PTPA: variants seen among roughly 807,000 people sequenced by gnomAD.
The protein encoded by PTPA is protein phosphatase 2 phosphatase activator, also known as serine/threonine-protein phosphatase 2A activator.
A neutral mutation model predicts 43.6 loss-of-function variants in PTPA; 13 were observed. The observed-to-expected ratio is 0.30, with a 90% confidence interval of 0.19 to 0.47. The LOEUF is 0.47. Ranked by LOEUF, PTPA falls within the 20% of genes least tolerant of loss-of-function variation. The probability of loss-of-function intolerance (pLI) is 0.99; values close to 1 mark genes in which losing one functional copy is unlikely to be tolerated. For missense variants in PTPA, 329 were observed against 411.9 expected (o/e 0.80, Z 1.74); for synonymous variants, 172 against 158.2 (o/e 1.09, Z -0.66).
At chr9:129,126,578 T>C (rs555735255) in intron 3 of PTPA, among the ~76,000 whole-genome samples, 8 of 152,318 alleles carry the variant, frequency 5.3e-5, no homozygotes, top group African/African-American at 1.9e-4. Context: ...ATTTTTGTTG[T>C]TGTTGTTCTG....
At chr9:129,117,962 G>A (rs1448073149) in intron 1 of PTPA, among the ~76,000 whole-genome samples, 1 of 151,702 alleles carries the variant, frequency 6.6e-6, no homozygotes, top group Non-Finnish European at 1.5e-5. Context: ...GCCTCCCAAA[G>A]TTCTGGGATT....
In PTPA at chr9:129,147,604, G is replaced by A. The variant is rs1403167938; in HGVS notation, c.*140G>A. The A allele has an allele frequency of 4.6e-6, 4 of 878,896 alleles. No homozygotes were observed. The highest frequency in any genetic ancestry group is 1.7e-5 in the African/African-American group (1 of 59,966). 54.4% of individuals were successfully genotyped at this position (878,896 alleles called of 1,614,324 possible). On this transcript the variant is annotated 3_prime_UTR_variant, in exon 10 of 10. Coordinates refer to ENST00000393370, the MANE Select transcript of PTPA (RefSeq NM_178000.3). The stretch of plus-strand genomic sequence containing the variant: ...TTTACTGGGGTGGGGTGGCGAGATG[G>A]GCTTGAGGGGGCTCAGAGCATAAGG...
chr9:129,135,560 A>C (rs1015024719), intron 6 of PTPA, among the ~76,000 whole-genome samples: 1 of 152,224 alleles, frequency 6.6e-6, no homozygotes, highest in Non-Finnish European at 1.5e-5. Context: ...AGGCACAGAG[A>C]TATCCGGTGT....
intron 5 of PTPA, among the ~76,000 whole-genome samples, 185 bp downstream of exon 5, chr9:129,131,824 AG>A (rs924910897): frequency 7.2e-5 from 11 of 152,248 alleles, no homozygotes; most frequent in African/African-American, 2.6e-4. Context: ...GCATGCAGGG[AG>A]GCCCGGATGC....
intron 1 of PTPA, among the ~76,000 whole-genome samples, chr9:129,114,117 C>T (rs1848717995): frequency 6.6e-6 from 1 of 152,166 alleles, no homozygotes; most frequent in Admixed American, 6.5e-5. Flanking sequence ...CAACCTCCGC[C>T]TCCTGAGTTC....
At position 129,120,622 on chromosome 9, in the gene PTPA, A is replaced by G; in HGVS notation, c.129+12A>G. Reference sequence around the variant, plus strand: ...GGAAGCGTTCTCAGGTACCATTTGGAACTGTGGTGAGAAACTTGGGCTTTT... The same window carrying G: ...GGAAGCGTTCTCAGGTACCATTTGGGACTGTGGTGAGAAACTTGGGCTTTT... On this transcript the variant is annotated intron_variant, in intron 2 of 9. Coordinates refer to ENST00000393370, the MANE Select transcript of PTPA (RefSeq NM_178000.3). 1 of 1,602,568 alleles carries G rather than the reference A, an allele frequency of 6.2e-7. No homozygotes were observed. Among genetic ancestry groups the G allele is most frequent in the Non-Finnish European group, 8.5e-7 (1 of 1,170,174 alleles).
intron 8 of PTPA, chr9:129,142,193 A>G (rs549143955): frequency 1.8e-5 from 7 of 390,472 alleles, no homozygotes; most frequent in African/African-American, 4.1e-5. Flanking sequence ...TGGGCAAGGA[A>G]TGTTATATTT....
At chr9:129,131,811 T>C (rs1272038252) in intron 5 of PTPA, among the ~76,000 whole-genome samples, 172 bp downstream of exon 5, 1 of 152,146 alleles carries the variant, frequency 6.6e-6, no homozygotes, top group Non-Finnish European at 1.5e-5. Flanking sequence ...AGGGAGGGCG[T>C]AGGCATGCAG....
intron 1 of PTPA, among the ~76,000 whole-genome samples, chr9:129,112,239 A>G (rs1207350158): frequency 6.6e-6 from 1 of 152,174 alleles, no homozygotes; most frequent in Non-Finnish European, 1.5e-5. Context: ...CTCCTTCGGT[A>G]ACTCTTATTT....
Position 129,137,710 on chromosome 9 carries a change from G to A in PTPA, c.786+18G>A. 6.4e-7 allele frequency: 1 copy of A among 1,567,398 alleles called. No homozygotes were observed. Among genetic ancestry groups the A allele is most frequent in the Non-Finnish European group, 8.7e-7 (1 of 1,146,994 alleles). ...TTACCGAGGTGAGGAGGAGGGGTGA[G>A]AGAGAAGCCCATGGCTGCCTCCAGG... On this transcript the variant is annotated intron_variant, in intron 8 of 9. Transcript: ENST00000393370.
Position 129,131,497 on chromosome 9 carries a change from C to G in PTPA, c.343-25C>G, listed in dbSNP as rs763255148. The G allele has an allele frequency of 6.9e-6, 11 of 1,605,092 alleles. No homozygotes were observed. In the African/African-American group the frequency reaches 1.3e-4, roughly 20 times the overall value. On this transcript the variant is annotated intron_variant, in intron 4 of 9. Transcript: ENST00000393370. Reference sequence around the variant, plus strand: ...GGGATGCTGCTTAATATGCTGCCACCACTTTGTGTCTCTTGTGTTACCAGG... The same window carrying G: ...GGGATGCTGCTTAATATGCTGCCACGACTTTGTGTCTCTTGTGTTACCAGG...
chr9:129,136,417 T>TGA (rs1317133540), intron 6 of PTPA, 54 bp from the exon 7 acceptor site: 1 of 1,558,512 alleles, frequency 6.4e-7, no homozygotes, highest in East Asian at 2.3e-5. Context: ...GCCGAAAGGG[T>TGA]GAGACTGTCT....
At chr9:129,133,953 T>G (rs150523049) in intron 5 of PTPA, among the ~76,000 whole-genome samples, 1 of 152,360 alleles carries the variant, frequency 6.6e-6, no homozygotes, top group East Asian at 1.9e-4. Flanking sequence ...CTCACATCTT[T>G]CAGATTTCAG....
chr9:129,148,747 A>ACCGG lies in PTPA; in HGVS notation c.*1283_*1284insCCGG, dbSNP rs1232672391. 6.5e-6 allele frequency: 1 copy of ACCGG among 152,786 alleles called. No individual in the cohort carries two copies. The highest frequency in any genetic ancestry group is 2.4e-5 in the African/African-American group (1 of 41,436). The allele number at this position is 152,786 out of a possible 1,614,324, so 9.5% of individuals were successfully genotyped here. ...ACTGAGAAGCACAGCACAGGGGCTC[A>ACCGG]GCCTGGGATCCGGTGATGGTCTGGG... On this transcript the variant is annotated 3_prime_UTR_variant, in exon 10 of 10. Coordinates refer to ENST00000393370, the MANE Select transcript of PTPA (RefSeq NM_178000.3).
intron 9 of PTPA, among the ~76,000 whole-genome samples, chr9:129,146,106 G>T (rs977406994): frequency 9.9e-5 from 15 of 151,452 alleles, no homozygotes; most frequent in Non-Finnish European, 2.2e-4. Flanking sequence ...AGGGCCCTTG[G>T]GGGGTGGGGG....
chr9:129,136,689 T>C (rs1022189501), intron 7 of PTPA, 94 bp downstream of exon 7: 38 of 1,393,622 alleles, frequency 2.7e-5, no homozygotes, highest in East Asian at 1.3e-4. Context: ...CCTTCCCTTC[T>C]TCCTGCCCAG....
In PTPA at chr9:129,111,598, A is replaced by G; in HGVS notation, c.-3A>G. 1 of 1,285,060 alleles carries G rather than the reference A, an allele frequency of 7.8e-7. No homozygotes were observed. Among genetic ancestry groups the G allele is most frequent in the Non-Finnish European group, 9.9e-7 (1 of 1,007,974 alleles). The allele number at this position is 1,285,060 out of a possible 1,614,324, so 79.6% of individuals were successfully genotyped here. A position where few individuals can be genotyped will look rare whatever the true frequency, so the allele number is the denominator to read the frequency against. On this transcript the variant is annotated 5_prime_UTR_variant, in exon 1 of 10. Coordinates refer to ENST00000393370, the MANE Select transcript of PTPA (RefSeq NM_178000.3). ...ATCCGGGTCGGCTCCTGGCCGGAGC[A>G]AGATGGCTGAGGGCGAGCGGCAGCC...
rs548967213 is a variant in PTPA at position 129,147,318 on chromosome 9, G to A, written c.895-69G>A. ...GGGATGGACACCTGGGAGCTGCTGC[G>A]GTTGTTGGGGTCCTGGCAGGGGTGT... On this transcript the variant is annotated intron_variant, in intron 9 of 9. Coordinates refer to ENST00000393370, the MANE Select transcript of PTPA (RefSeq NM_178000.3). The A allele has an allele frequency of 3.7e-5, 55 of 1,500,394 alleles. No homozygotes were observed. The South Asian group carries it at 4.4e-4, about 12-fold the overall frequency. The allele number at this position is 1,500,394 out of a possible 1,614,324, so 92.9% of individuals were successfully genotyped here. A position where few individuals can be genotyped will look rare whatever the true frequency, so the allele number is the denominator to read the frequency against.
chr9:129,112,917 GACA>G (rs1564179373), intron 1 of PTPA, among the ~76,000 whole-genome samples: 1 of 144,172 alleles, frequency 6.9e-6, no homozygotes, highest in Non-Finnish European at 1.5e-5. Context: ...CTCCAGCCTG[GACA>G]ACAAGAGTGA....
Sources: allele counts gnomAD v4.1 joint callset (sites outside exome capture counted in the v4.1 genomes callset), GRCh38; gene constraint gnomAD v4.1.1; transcripts MANE v1.5; gene names NCBI Gene and HGNC (gene_info 2026-07-23, HGNC 2026-07-21).